DNAH14: variants seen among roughly 807,000 people sequenced by gnomAD.
The protein encoded by DNAH14 is dynein axonemal heavy chain 14.
A neutral mutation model predicts 520.9 loss-of-function variants in DNAH14; 478 were observed. The observed-to-expected ratio is 0.92, with a 90% CI of 0.85 to 0.99. DNAH14 has a LOEUF of 0.99. Among genes scored for constraint, DNAH14 ranks in the 50% least tolerant of loss-of-function variants. DNAH14 has a pLI of 0.00. For missense variants in DNAH14, 4,831 were observed against 5,234.5 expected (o/e 0.92, Z 2.38); for synonymous variants, 1,581 against 1,757.2 (o/e 0.90, Z 2.51).
rs143416469 is a variant in DNAH14, at chr1:225,175,407, A to C, written c.5535+7379A>C. ...GTCCAGCAATATATCAGTTTCTTCTAGGTTTTCTAATTTGTTGGCATATAG... is the reference window on the plus strand; with the variant it reads ...GTCCAGCAATATATCAGTTTCTTCTCGGTTTTCTAATTTGTTGGCATATAG... On this transcript the variant is annotated intron_variant, in intron 36 of 85. Coordinates refer to ENST00000682510, the MANE Select transcript of DNAH14 (RefSeq NM_001367479.1). Among the ~76,000 whole-genome samples the C allele has an allele frequency of 4.6e-5, 7 of 152,170 alleles. No individual in the cohort carries two copies. In the East Asian group the frequency reaches 1.4e-3, roughly 29 times the overall value.
At chr1:225,254,317 A>T (rs534387535) in intron 44 of DNAH14, among the ~76,000 whole-genome samples, 18 of 152,300 alleles carry the variant, frequency 1.2e-4, no homozygotes, top group African/African-American at 4.3e-4. Context: ...ATTAATACAC[A>T]TTTCAGTAGC....
chr1:224,930,510 G>T (rs1558425521), intron 1 of DNAH14, among the ~76,000 whole-genome samples: 1 of 152,184 alleles, frequency 6.6e-6, no homozygotes, highest in East Asian at 1.9e-4. Flanking sequence ...TGTGCTGCCA[G>T]TCATAAAAGA....
rs1450244030 is a variant in DNAH14 at position 225,108,193 on chromosome 1, ATCAGAC to A, written c.3867+7312_3867+7317del. 6.6e-5 allele frequency among the ~76,000 whole-genome samples: 10 copies of A among 152,282 alleles called. No individual in the cohort carries two copies. The East Asian group carries it at 1.9e-3, about 29-fold the overall frequency. On this transcript the variant is annotated intron_variant, in intron 23 of 85. Transcript: ENST00000682510. ...TGCTGGATGCTTCCTGCCCTTGAAC[ATCAGAC>A]TCCAAGTTCTTCAGCTTTTGGACTC...
At chr1:225,205,779 A>G (rs2087471697) in intron 39 of DNAH14, among the ~76,000 whole-genome samples, 192 bp from the exon 40 acceptor site, 2 of 152,218 alleles carry the variant, frequency 1.3e-5, no homozygotes, top group African/African-American at 4.8e-5. Context: ...AAGCATTATT[A>G]AGTATACTGT....
chr1:225,136,080 A>G (rs1043458538), intron 27 of DNAH14, among the ~76,000 whole-genome samples: 1 of 152,142 alleles, frequency 6.6e-6, no homozygotes, highest in African/African-American at 2.4e-5. Context: ...TGAGGACAGT[A>G]TACTGATGAG....
intron 61 of DNAH14, among the ~76,000 whole-genome samples, chr1:225,321,304 G>GA (rs2094552010): frequency 1.3e-5 from 2 of 152,096 alleles, no homozygotes; most frequent in South Asian, 4.1e-4. Context: ...GAGACAGTCA[G>GA]AAAAAATAAC....
intron 23 of DNAH14, among the ~76,000 whole-genome samples, chr1:225,103,303 T>C (rs1310669060): frequency 6.6e-6 from 1 of 152,242 alleles, no homozygotes; most frequent in Non-Finnish European, 1.5e-5. Flanking sequence ...CCTTGTAGTA[T>C]AGTTTGAAGT....
At chr1:225,099,449 T>C (rs73133578) in intron 22 of DNAH14, among the ~76,000 whole-genome samples, 2,261 of 152,222 alleles carry the variant, frequency 0.015, 43 homozygotes, top group African/African-American at 0.051. Context: ...GAAACATTTT[T>C]ACTTGTCACA....
intron 38 of DNAH14, among the ~76,000 whole-genome samples, chr1:225,196,917 CT>C (rs1243089206): frequency 6.6e-6 from 1 of 151,572 alleles, no homozygotes; most frequent in East Asian, 1.9e-4. Context: ...TGCTAATTCA[CT>C]TGAGTTTGTT....
intron 35 of DNAH14, among the ~76,000 whole-genome samples, chr1:225,160,546 C>CT (rs2149145708): frequency 6.6e-6 from 1 of 152,130 alleles, no homozygotes; most frequent in Non-Finnish European, 1.5e-5. Flanking sequence ...GAGGATGGCT[C>CT]TTTCATGGTT....
chr1:225,178,242 A>G (rs1371494070), intron 36 of DNAH14, among the ~76,000 whole-genome samples: 1 of 152,194 alleles, frequency 6.6e-6, no homozygotes, highest in African/African-American at 2.4e-5. Flanking sequence ...GGTAAAAGAC[A>G]TACCCAAGAC....
At chr1:225,305,492 A>G (rs1264256689) in intron 58 of DNAH14, among the ~76,000 whole-genome samples, 1 of 152,204 alleles carries the variant, frequency 6.6e-6, no homozygotes, top group Non-Finnish European at 1.5e-5. Context: ...CAGCAGTGGT[A>G]CCTGAGGAGG....
At chr1:225,125,598 G>C (rs2077654232) in intron 27 of DNAH14, among the ~76,000 whole-genome samples, 1 of 152,156 alleles carries the variant, frequency 6.6e-6, no homozygotes, top group Admixed American at 6.6e-5. Context: ...TTAGAGCCTT[G>C]CTCTGGATTA....
In DNAH14 at chr1:224,954,963, T is replaced by C. The variant is rs1156894230; in HGVS notation, c.82T>C (p.Leu28=). 7 of 1,587,398 alleles carry C rather than the reference T, an allele frequency of 4.4e-6. No homozygotes were observed. The African/African-American group carries it at 8.1e-5, about 18-fold the overall frequency. The part of the protein sequence containing the change: ...KEETKTKPRL[L]RYEEKKYEDV... Reference sequence around the variant, plus strand: ...ATTGTTTTCTTTGTCATTTAGACTTTTAAGATATGAAGAGAAAAAATATGA... The same window carrying C: ...ATTGTTTTCTTTGTCATTTAGACTTCTAAGATATGAAGAGAAAAAATATGA... Residue 28 remains leucine, a synonymous_variant, in exon 3 of 86, where the codon TTA becomes CTA. Coordinates refer to ENST00000682510, the MANE Select transcript of DNAH14 (RefSeq NM_001367479.1).
intron 37 of DNAH14, among the ~76,000 whole-genome samples, chr1:225,186,884 A>C (rs2084828628): frequency 1.3e-5 from 2 of 151,878 alleles, no homozygotes; most frequent in Non-Finnish European, 3.0e-5. Flanking sequence ...TGTAATAAAC[A>C]TACTTAGGAA....
intron 17 of DNAH14, among the ~76,000 whole-genome samples, chr1:225,068,541 A>G (rs1558851983): frequency 6.6e-6 from 1 of 152,220 alleles, no homozygotes; most frequent in East Asian, 1.9e-4. Flanking sequence ...TTTGGGCAGT[A>G]TAGCCATTTT....
chr1:225,377,278 C>T lies in DNAH14; in HGVS notation c.12558C>T (p.Tyr4186=), dbSNP rs1289819951. 1 of 1,526,030 alleles carries T rather than the reference C, an allele frequency of 6.6e-7. No individual in the cohort carries two copies. The highest frequency in any genetic ancestry group is 8.8e-7 in the Non-Finnish European group (1 of 1,135,724). 94.5% of individuals were successfully genotyped at this position (1,526,030 alleles called of 1,614,324 possible). ...PVPGSASIKD[Y]IHIIQSLPDD... ...CAGGATCTGCAAGCATAAAGGACTA[C>T]ATACACATTATCCAGTCCTTACCTG... The change falls in exon 79 of 86, where the codon TAC becomes TAT. Residue 4186 remains tyrosine, a synonymous_variant. Transcript: ENST00000682510.
At chr1:225,272,644 C>G (rs564045066) in intron 51 of DNAH14, among the ~76,000 whole-genome samples, 2 of 152,248 alleles carry the variant, frequency 1.3e-5, no homozygotes, top group South Asian at 4.1e-4. Flanking sequence ...ACCTCAGTAT[C>G]ACGTGCAACA....
intron 53 of DNAH14, among the ~76,000 whole-genome samples, chr1:225,276,967 A>G (rs1353959033): frequency 1.9e-4 from 10 of 54,010 alleles, no homozygotes; most frequent in African/African-American, 6.2e-4. Flanking sequence ...GGAAGGAAGG[A>G]AGGAAGGAAG....
Sources: gnomAD v4.1 joint callset for allele counts (sites outside exome capture counted in the v4.1 genomes callset) on GRCh38, gnomAD v4.1.1 for gene constraint, MANE v1.5 for transcripts, NCBI Gene and HGNC (gene_info 2026-07-23, HGNC 2026-07-21) for gene names.